RORA: variants seen among roughly 807,000 people sequenced by gnomAD.
RORA encodes RAR related orphan receptor A.
In RORA, 7 loss-of-function variants were observed where a neutral mutation model predicts 69.5. The observed-to-expected ratio is 0.10, with a 90% CI of 0.06 to 0.19. The LOEUF (loss-of-function observed/expected upper bound fraction) is 0.19. Ranked by LOEUF, RORA falls within the 10% of genes least tolerant of loss-of-function variation. The pLI is 1.00. For synonymous variants in RORA, 261 were observed against 240.8 expected, an observed-to-expected ratio of 1.08 and a Z score of -0.78; for missense variants, 457 against 663.0, an observed-to-expected ratio of 0.69 and a Z score of 3.41.
At chr15:60,822,807 T>C (rs1311482663) in intron 1 of RORA, among the ~76,000 whole-genome samples, 1 of 152,132 alleles carries the variant, frequency 6.6e-6, no homozygotes, top group Non-Finnish European at 1.5e-5. Flanking sequence ...GCATCAGTAT[T>C]TCGTTTAAAG....
chr15:60,626,875 G>T (rs1183552978), intron 2 of RORA, among the ~76,000 whole-genome samples: 1 of 152,138 alleles, frequency 6.6e-6, no homozygotes, highest in African/African-American at 2.4e-5. Context: ...ACTTATAACA[G>T]CACCTTCTAC....
chr15:60,851,768 G>C (rs2073327502), intron 1 of RORA, among the ~76,000 whole-genome samples: 1 of 151,220 alleles, frequency 6.6e-6, no homozygotes. Context: ...GGGTGAGAGA[G>C]AGAGAGAGAT....
chr15:60,535,067 G>A (rs2066635444), intron 2 of RORA, among the ~76,000 whole-genome samples: 1 of 152,122 alleles, frequency 6.6e-6, no homozygotes. Context: ...TTTCCCACCA[G>A]GTAGTGTGGT....
rs1055585618 is a variant in RORA, at chr15:60,866,247, C to T, written c.167-187561G>A. ...CCTCTGGTAGCCATTATTCTACTCT[C>T]CATCTGCATGAGTTCAAGATTTGTT... On this transcript the variant is annotated intron_variant, in intron 1 of 10. Transcript: ENST00000335670. 3.3e-5 allele frequency among the ~76,000 whole-genome samples: 5 copies of T among 152,312 alleles called. No homozygotes were observed. In the South Asian group the frequency reaches 6.2e-4, roughly 19 times the overall value.
At chr15:61,024,469 G>T (rs1196903321) in intron 1 of RORA, among the ~76,000 whole-genome samples, 1 of 134,748 alleles carries the variant, frequency 7.4e-6, no homozygotes, top group Non-Finnish European at 1.6e-5. Flanking sequence ...TTTTTTTTGA[G>T]ATGGAGTCTC....
chr15:60,844,423 C>T (rs77552675), intron 1 of RORA, among the ~76,000 whole-genome samples: 9,379 of 152,176 alleles, frequency 0.062, 309 homozygotes, highest in Middle Eastern at 0.089. Flanking sequence ...TTGTTGTTGT[C>T]GTTTGCCCCT....
chr15:61,071,232 G>A (rs1595945784), intron 1 of RORA, among the ~76,000 whole-genome samples: 1 of 18,110 alleles, frequency 5.5e-5, no homozygotes, highest in African/African-American at 2.7e-4. Flanking sequence ...GGAAGGGAAG[G>A]GAGGGGAGGG....
intron 1 of RORA, among the ~76,000 whole-genome samples, chr15:60,835,047 C>T (rs984150455): frequency 3.9e-5 from 6 of 152,200 alleles, no homozygotes; most frequent in African/African-American, 9.6e-5. Flanking sequence ...AAACACAGAA[C>T]GTGGACTTGT....
intron 1 of RORA, among the ~76,000 whole-genome samples, chr15:60,747,065 T>C (rs1422514338): frequency 6.6e-6 from 1 of 152,068 alleles, no homozygotes; most frequent in African/African-American, 2.4e-5. Context: ...CCCCCAATGT[T>C]AGAGACCCTC....
At chr15:61,178,108 G>T (rs1305281931) in intron 1 of RORA, among the ~76,000 whole-genome samples, 1 of 152,162 alleles carries the variant, frequency 6.6e-6, no homozygotes, top group East Asian at 1.9e-4. Context: ...TGTTACACTG[G>T]AAAGTGTGTT....
intron 1 of RORA, chr15:60,765,524 G>A (rs2071975519): frequency 6.6e-6 from 1 of 152,076 alleles, no homozygotes; most frequent in African/African-American, 2.4e-5. Flanking sequence ...CCACAATCAA[G>A]GCCTTGCAAT....
Position 61,216,312 on chromosome 15 carries a change from C to T in RORA, c.166+12741G>A, listed in dbSNP as rs1052250421. 3.3e-5 allele frequency among the ~76,000 whole-genome samples: 5 copies of T among 152,306 alleles called. 1 individual carries two copies. In the Middle Eastern group the frequency reaches 0.01, roughly 311 times the overall value. ...CTTTCTCACGCTGTTCTCTCATCAG[C>T]TCAAATACTGTAACAGCAGAGCAAT... On this transcript the variant is annotated intron_variant, in intron 1 of 10. Transcript: ENST00000335670.
chr15:60,516,013 ATATATATT>A (rs1567051367), intron 3 of RORA, among the ~76,000 whole-genome samples: 3,483 of 17,384 alleles, frequency 0.2, 699 homozygotes, highest in Middle Eastern at 0.25. Flanking sequence ...ATATATATTT[ATATATATT>A]TATATATTTA....
chr15:60,535,084 T>A (rs1307915531), intron 2 of RORA, among the ~76,000 whole-genome samples: 1 of 152,170 alleles, frequency 6.6e-6, no homozygotes, highest in African/African-American at 2.4e-5. Flanking sequence ...TGGTGTCTTC[T>A]CAAAACAATC....
At position 61,007,992 on chromosome 15, in the gene RORA, G is replaced by T. The variant is rs577995631; in HGVS notation, c.166+221061C>A. The stretch of plus-strand genomic sequence containing the variant: ...TCGTGTATTTCTTTAAAAAATGAAT[G>T]ACAGCAAACATTTACACCAAAATAG... On this transcript the variant is annotated intron_variant, in intron 1 of 10. Transcript: ENST00000335670. Among the ~76,000 whole-genome samples the T allele has an allele frequency of 2.0e-5, 3 of 151,580 alleles. No individual in the cohort carries two copies. In the South Asian group the frequency reaches 6.2e-4, roughly 32 times the overall value.
At chr15:60,782,165 C>T (rs1490720685) in intron 1 of RORA, among the ~76,000 whole-genome samples, 4 of 152,044 alleles carry the variant, frequency 2.6e-5, no homozygotes, top group South Asian at 4.1e-4. Flanking sequence ...GCGGAGGTTG[C>T]AGTGAGCTGA....
At chr15:61,220,817 T>C (rs534963210) in intron 1 of RORA, among the ~76,000 whole-genome samples, 1 of 152,192 alleles carries the variant, frequency 6.6e-6, no homozygotes, top group Non-Finnish European at 1.5e-5. Flanking sequence ...TTAAAGATAA[T>C]TTAAAATTAG....
intron 1 of RORA, among the ~76,000 whole-genome samples, chr15:60,954,256 C>T (rs2140336939): frequency 1.5e-5 from 2 of 129,786 alleles, no homozygotes; most frequent in Middle Eastern, 0.011. Context: ...ATCACATGGA[C>T]ACAGGAAGGG....
At chr15:60,717,179 G>T (rs2140817759) in intron 1 of RORA, among the ~76,000 whole-genome samples, 1 of 152,292 alleles carries the variant, frequency 6.6e-6, no homozygotes, top group South Asian at 2.1e-4. Flanking sequence ...CTGTTACTTG[G>T]TGTGTGGGAA....
Sources: gnomAD v4.1 joint callset for allele counts (sites outside exome capture counted in the v4.1 genomes callset) on GRCh38, gnomAD v4.1.1 for gene constraint, MANE v1.5 for transcripts, NCBI Gene and HGNC (gene_info 2026-07-23, HGNC 2026-07-21) for gene names.